GAS2: variants seen among roughly 807,000 people sequenced by gnomAD.
GAS2 encodes growth arrest-specific protein 2.
In GAS2, 20 loss-of-function variants were observed where a neutral mutation model predicts 37.5. The observed-to-expected ratio is 0.53, with a 90% CI of 0.37 to 0.77. The LOEUF is 0.77. GAS2 is among the 30% of genes least tolerant of loss of function. The pLI is 0.00. For synonymous variants in GAS2, 144 were observed against 132.2 expected (o/e 1.09, Z -0.61); for missense variants, 336 against 373.4 (o/e 0.90, Z 0.82).
chr11:22,808,210 T>A (rs1175468021), intron 7 of GAS2, among the ~76,000 whole-genome samples: 1 of 152,192 alleles, frequency 6.6e-6, no homozygotes, highest in African/African-American at 2.4e-5. Flanking sequence ...ATAGCTCTTA[T>A]CAAAGGAACC....
At chr11:22,716,176 T>C (rs1295876430) in intron 3 of GAS2, among the ~76,000 whole-genome samples, 4 of 152,136 alleles carry the variant, frequency 2.6e-5, no homozygotes, top group African/African-American at 9.7e-5. Context: ...AAAATTGACA[T>C]AGAAGGGACA....
At chr11:22,731,397 G>T (rs947459792) in intron 4 of GAS2, 4 of 441,970 alleles carry the variant, frequency 9.1e-6, no homozygotes, top group Non-Finnish European at 1.8e-5. Flanking sequence ...CAAGAAAAGG[G>T]TTTGCTATCT....
chr11:22,634,027 A>T (rs985207425), intron 1 of GAS2, among the ~76,000 whole-genome samples: 8 of 152,164 alleles, frequency 5.3e-5, no homozygotes, highest in Non-Finnish European at 1.2e-4. Flanking sequence ...CTGTTTTCAA[A>T]CTGCTGAGGA....
intron 7 of GAS2, among the ~76,000 whole-genome samples, chr11:22,791,188 G>A (rs1856141508): frequency 6.6e-6 from 1 of 152,214 alleles, no homozygotes. Context: ...GATACTGAGT[G>A]ACTGGATAAT....
chr11:22,690,238 AT>A (rs1429765856), intron 3 of GAS2, among the ~76,000 whole-genome samples: 1 of 152,182 alleles, frequency 6.6e-6, no homozygotes. Flanking sequence ...TAGTTCGCAT[AT>A]TTAATATTTT....
intron 3 of GAS2, among the ~76,000 whole-genome samples, chr11:22,703,824 T>C (rs1242923854): frequency 6.6e-6 from 1 of 152,186 alleles, no homozygotes; most frequent in African/African-American, 2.4e-5. Flanking sequence ...TTACATATCA[T>C]GCATGAAGCC....
At chr11:22,693,248 C>T (rs1850340667) in intron 3 of GAS2, among the ~76,000 whole-genome samples, 2 of 152,120 alleles carry the variant, frequency 1.3e-5, no homozygotes. Context: ...CAAACTGATT[C>T]TGGAATTTTC....
chr11:22,686,112 C>G (rs1016867208), intron 3 of GAS2, among the ~76,000 whole-genome samples: 2 of 152,112 alleles, frequency 1.3e-5, no homozygotes, highest in East Asian at 3.9e-4. Flanking sequence ...AGGCAATGCA[C>G]AGATCTAGCC....
chr11:22,671,936 G>A (rs910291597), intron 1 of GAS2, among the ~76,000 whole-genome samples: 4 of 152,086 alleles, frequency 2.6e-5, no homozygotes, highest in African/African-American at 9.7e-5. Context: ...TGCAGGTATT[G>A]ACTTTCAGCC....
chr11:22,675,307 T>C (rs1485859283), intron 2 of GAS2, among the ~76,000 whole-genome samples: 1 of 152,220 alleles, frequency 6.6e-6, no homozygotes, highest in African/African-American at 2.4e-5. Context: ...GGCTTTTCTT[T>C]CATGCAGCTG....
At chr11:22,759,882 G>A (rs1667101524) in intron 7 of GAS2, among the ~76,000 whole-genome samples, 1 of 152,116 alleles carries the variant, frequency 6.6e-6, no homozygotes, top group African/African-American at 2.4e-5. Flanking sequence ...AAGTCACTTG[G>A]CAATTGAAAT....
At chr11:22,764,129 A>G (rs1247447120) in intron 7 of GAS2, among the ~76,000 whole-genome samples, 1 of 152,238 alleles carries the variant, frequency 6.6e-6, no homozygotes, top group African/African-American at 2.4e-5. Context: ...CCATTGCTGT[A>G]AATAATTCAG....
intron 7 of GAS2, among the ~76,000 whole-genome samples, chr11:22,773,569 A>G (rs563032024): frequency 2.8e-4 from 43 of 151,336 alleles, no homozygotes; most frequent in Non-Finnish European, 5.8e-4. Context: ...AATATTTTGT[A>G]TTTTTAGTAG....
rs114704894 is a variant in GAS2 at position 22,758,514 on chromosome 11, A to G, written c.723+2561A>G. Among the ~76,000 whole-genome samples, 1,140 of 152,264 alleles carry G rather than the reference A, an allele frequency of 7.5e-3. 24 individuals are homozygous for G. Among genetic ancestry groups the G allele is most frequent in the African/African-American group, 0.026 (1,079 of 41,538 alleles). On this transcript the variant is annotated intron_variant, in intron 7 of 7. Transcript: ENST00000454584. Reference sequence around the variant, plus strand: ...CATATGGTCATAATGAACCTGTCCAATGCAAAGAACAATTCAGGGTCACTT... The same window carrying G: ...CATATGGTCATAATGAACCTGTCCAGTGCAAAGAACAATTCAGGGTCACTT...
At chr11:22,643,908 C>A (rs1848659254) in intron 1 of GAS2, among the ~76,000 whole-genome samples, 2 of 152,126 alleles carry the variant, frequency 1.3e-5, no homozygotes, top group Non-Finnish European at 2.9e-5. Context: ...TTCAAATCTC[C>A]AAAACTTTTA....
intron 1 of GAS2, among the ~76,000 whole-genome samples, chr11:22,655,347 A>C (rs1291347926): frequency 6.6e-6 from 1 of 150,746 alleles, no homozygotes; most frequent in Non-Finnish European, 1.5e-5. Context: ...TCGCCAATAG[A>C]AAATTCTTCA....
intron 4 of GAS2, among the ~76,000 whole-genome samples, chr11:22,730,247 T>C (rs1852407630): frequency 6.6e-6 from 1 of 151,882 alleles, no homozygotes. Context: ...TCTTCAATTA[T>C]CTATTAACAA....
At chr11:22,737,851 C>T in intron 5 of GAS2, 83 bp downstream of exon 5, 1 of 1,236,526 alleles carries the variant, frequency 8.1e-7, no homozygotes, top group East Asian at 2.3e-5. Context: ...CTTTTCATTG[C>T]TAATGTTTAA....
intron 7 of GAS2, among the ~76,000 whole-genome samples, chr11:22,789,107 T>A (rs1855968720): frequency 6.6e-6 from 1 of 150,870 alleles, no homozygotes; most frequent in Non-Finnish European, 1.5e-5. Context: ...ATTATATATA[T>A]AATTATCTTG....
Sources: gnomAD v4.1 joint callset for allele counts (sites outside exome capture counted in the v4.1 genomes callset) on GRCh38, gnomAD v4.1.1 for gene constraint, MANE v1.5 for transcripts, NCBI Gene and HGNC (gene_info 2026-07-23, HGNC 2026-07-21) for gene names.